The following IGFBP5 variants were observed in gnomAD, a reference collection of about 807,000 sequenced individuals.
IGFBP5 encodes the protein insulin like growth factor binding protein 5.
IGFBP5 carries 12 observed loss-of-function variants against 28.0 expected under a neutral mutation model. The ratio of observed to expected loss-of-function variants is 0.43; its 90% CI spans 0.27 to 0.69. IGFBP5 has a LOEUF of 0.69. Among genes scored for constraint, IGFBP5 ranks in the 30% least tolerant of loss-of-function variants. IGFBP5 has a pLI of 0.20. For missense variants in IGFBP5, 344 were observed against 381.6 expected (o/e 0.90, Z 0.82); for synonymous variants, 152 against 150.2 (o/e 1.01, Z -0.09).
intron 1 of IGFBP5, among the ~76,000 whole-genome samples, chr2:216,682,854 G>A (rs1688992395): frequency 6.6e-6 from 1 of 151,878 alleles, no homozygotes; most frequent in Non-Finnish European, 1.5e-5. Flanking sequence ...GACTACAGGC[G>A]CCCGCCACCA....
At chr2:216,685,395 G>A (rs1054378904) in intron 1 of IGFBP5, among the ~76,000 whole-genome samples, 1 of 152,008 alleles carries the variant, frequency 6.6e-6, no homozygotes, top group Non-Finnish European at 1.5e-5. Context: ...CAAGGACTTC[G>A]TGGCCACATA....
rs1041634768 is a variant in IGFBP5, at chr2:216,679,846, C to G, written c.338-767G>C. 1.3e-5 allele frequency among the ~76,000 whole-genome samples: 2 copies of G among 152,190 alleles called. No homozygotes were observed. The highest frequency in any genetic ancestry group is 1.3e-4 in the Admixed American group (2 of 15,280). On this transcript the variant is annotated intron_variant, in intron 1 of 3. Transcript: ENST00000233813. The surrounding 1 kb of genome is among the most constrained non-coding windows in gnomAD (Gnocchi z 4.6). ...TGGGAGGCTGGGACGTTACTCAGCT[C>G]TGGACTGAGAGAGGCCGACAGCTGG...
In IGFBP5 at chr2:216,676,732, A is replaced by G; in HGVS notation, c.*19T>C. On this transcript the variant is annotated 3_prime_UTR_variant, in exon 4 of 4. Transcript: ENST00000233813. Reference sequence around the variant, plus strand: ...GCTGGGGGTGGGAGGGGGTGAGGGAAAGGTTGGGGGGGGACGCATCACTCA... The same window carrying G: ...GCTGGGGGTGGGAGGGGGTGAGGGAGAGGTTGGGGGGGGACGCATCACTCA... The G allele has an allele frequency of 2.2e-6, 3 of 1,394,882 alleles. No homozygotes were observed. Among genetic ancestry groups the G allele is most frequent in the Non-Finnish European group, 1.9e-6 (2 of 1,029,980 alleles). 86.4% of individuals were successfully genotyped at this position (1,394,882 alleles called of 1,614,324 possible).
chr2:216,672,534 A>C lies in IGFBP5; in HGVS notation c.*4217T>G, dbSNP rs1415562695. On this transcript the variant is annotated 3_prime_UTR_variant, in exon 4 of 4. Coordinates refer to ENST00000233813, the MANE Select transcript of IGFBP5 (RefSeq NM_000599.4). ...GCTGTCTTCAAAAAAAAAAAGAAAA[A>C]GAAAAACAACAACAACAACAACGAA... 6.6e-6 allele frequency: 1 copy of C among 152,020 alleles called. No individual in the cohort carries two copies. The highest frequency in any genetic ancestry group is 6.6e-5 in the Admixed American group (1 of 15,232). 9.4% of individuals were successfully genotyped at this position (152,020 alleles called of 1,614,324 possible).
chr2:216,676,903 G>A (rs752035985), intron 3 of IGFBP5, 21 bp from the exon 4 acceptor site: 3 of 1,612,968 alleles, frequency 1.9e-6, no homozygotes. Context: ...TAGAGCAACA[G>A]GCGGTGAGGA....
chr2:216,693,551 C>T (rs931446173), intron 1 of IGFBP5, among the ~76,000 whole-genome samples: 1 of 151,916 alleles, frequency 6.6e-6, no homozygotes, highest in Non-Finnish European at 1.5e-5. Flanking sequence ...TCTCACATCC[C>T]CTTTTGCCTC....
At position 216,672,733 on chromosome 2, in the gene IGFBP5, C is replaced by T. The variant is rs11545385; in HGVS notation, c.*4018G>A. ...TGGGGTCCCCTTCCCCTCGGACCCT[C>T]CCCACCTTCCCTTTCCCCATCCAAA... On this transcript the variant is annotated 3_prime_UTR_variant, in exon 4 of 4. Coordinates refer to ENST00000233813, the MANE Select transcript of IGFBP5 (RefSeq NM_000599.4). 3.3e-3 allele frequency: 499 copies of T among 152,688 alleles called. 1 individual carries two copies. The highest frequency in any genetic ancestry group is 5.4e-3 in the Non-Finnish European group (367 of 68,026). The allele number at this position is 152,688 out of a possible 1,614,324, so 9.5% of individuals were successfully genotyped here.
At chr2:216,686,461 A>G (rs1689035452) in intron 1 of IGFBP5, among the ~76,000 whole-genome samples, 1 of 151,886 alleles carries the variant, frequency 6.6e-6, no homozygotes, top group Non-Finnish European at 1.5e-5. Flanking sequence ...TCTACATAAA[A>G]TGAAATATTA....
chr2:216,677,057 T>C (rs1182845194), intron 3 of IGFBP5, among the ~76,000 whole-genome samples, 175 bp from the exon 4 acceptor site: 1 of 151,762 alleles, frequency 6.6e-6, no homozygotes, highest in Non-Finnish European at 1.5e-5. Flanking sequence ...CCAGGGAAAA[T>C]GTGAATTTAG....
chr2:216,682,025 G>T (rs1360502130), intron 1 of IGFBP5, among the ~76,000 whole-genome samples: 1 of 152,170 alleles, frequency 6.6e-6, no homozygotes, highest in Non-Finnish European at 1.5e-5. Context: ...GTAGATTCTT[G>T]TATCTCTCTT....
At chr2:216,690,886 G>T (rs1355819483) in intron 1 of IGFBP5, among the ~76,000 whole-genome samples, 3 of 136,322 alleles carry the variant, frequency 2.2e-5, no homozygotes, top group South Asian at 2.8e-4. Context: ...GGGAGGGGGG[G>T]CGGGGTGGGC....
intron 1 of IGFBP5, among the ~76,000 whole-genome samples, chr2:216,686,333 G>A (rs1689034291): frequency 6.6e-6 from 1 of 152,196 alleles, no homozygotes; most frequent in Non-Finnish European, 1.5e-5. Context: ...CTACTGAATA[G>A]GTACAGCAAA....
chr2:216,695,087 A>AG lies in IGFBP5; in HGVS notation c.-313dup, dbSNP rs760500906. 27 of 268,568 alleles carry AG rather than the reference A, an allele frequency of 1.0e-4. No homozygotes were observed. The highest frequency in any genetic ancestry group is 1.7e-4 in the Non-Finnish European group (24 of 144,004). The allele number at this position is 268,568 out of a possible 1,614,324, so 16.6% of individuals were successfully genotyped here. ...TCAAGCCTGAGCGGGTCAGAATTAT[A>AG]GGGGAAAAAAAGCCACAAAATTGTT... On this transcript the variant is annotated 5_prime_UTR_variant, in exon 1 of 4. Coordinates refer to ENST00000233813, the MANE Select transcript of IGFBP5 (RefSeq NM_000599.4).
chr2:216,679,958 T>C lies in IGFBP5; in HGVS notation c.338-879A>G, dbSNP rs1574578599. 6.6e-6 allele frequency among the ~76,000 whole-genome samples: 1 copy of C among 152,292 alleles called. No individual in the cohort carries two copies. Among genetic ancestry groups the C allele is most frequent in the Middle Eastern group, 3.4e-3 (1 of 294 alleles). ...TGACCTTTAGAGAAGTCAGACTTTG[T>C]TGATGTATTTGTTGATCCTTAATTC... On this transcript the variant is annotated intron_variant, in intron 1 of 3. Transcript: ENST00000233813. The surrounding 1 kb of genome is among the most constrained non-coding windows in gnomAD (Gnocchi z 4.6).
intron 1 of IGFBP5, among the ~76,000 whole-genome samples, chr2:216,687,429 C>T (rs1173224272): frequency 6.6e-6 from 1 of 152,200 alleles, no homozygotes; most frequent in Non-Finnish European, 1.5e-5. Context: ...GTCCCCCTTA[C>T]ATCTGCCCCA....
intron 1 of IGFBP5, among the ~76,000 whole-genome samples, chr2:216,680,681 G>A (rs1280500956): frequency 6.6e-6 from 1 of 152,194 alleles, no homozygotes; most frequent in Admixed American, 6.5e-5. Context: ...AGCCTCCAAA[G>A]GTTCGCAGCG....
chr2:216,677,255 A>G (rs1008317113), intron 3 of IGFBP5, among the ~76,000 whole-genome samples: 2 of 152,046 alleles, frequency 1.3e-5, no homozygotes, highest in Admixed American at 1.3e-4. Context: ...CCCGTTTTAA[A>G]TATTACCCAT....
chr2:216,676,697 T>G lies in IGFBP5; in HGVS notation c.*54A>C. 9.7e-7 allele frequency: 1 copy of G among 1,036,076 alleles called. No homozygotes were observed. The highest frequency in any genetic ancestry group is 1.3e-6 in the Non-Finnish European group (1 of 765,592). The allele number at this position is 1,036,076 out of a possible 1,614,324, so 64.2% of individuals were successfully genotyped here. A position where few individuals can be genotyped will look rare whatever the true frequency, so the allele number is the denominator to read the frequency against. On this transcript the variant is annotated 3_prime_UTR_variant, in exon 4 of 4. Transcript: ENST00000233813. ...TCCTGGGGTGGAGGGAGGCGCTGGC[T>G]GGAGTCGGGGCTGGGGGTGGGAGGG...
chr2:216,691,576 C>T (rs1689095730), intron 1 of IGFBP5, among the ~76,000 whole-genome samples: 1 of 152,122 alleles, frequency 6.6e-6, no homozygotes, highest in South Asian at 2.1e-4. Flanking sequence ...AAATGCAGAG[C>T]CAGGCTCGCT....
Sources: allele counts gnomAD v4.1 joint callset (sites outside exome capture counted in the v4.1 genomes callset), GRCh38; gene constraint gnomAD v4.1.1; non-coding constraint Gnocchi (gnomAD v3.1); transcripts MANE v1.5; gene names NCBI Gene and HGNC (gene_info 2026-07-23, HGNC 2026-07-21).